Variants in DIS3L2 observed in about 807,000 individuals in gnomAD.
DIS3L2 encodes the protein DIS3-like exonuclease 2.
DIS3L2 carries 34 observed loss-of-function variants against 97.5 expected under a neutral mutation model. The ratio of observed to expected loss-of-function variants is 0.35; its 90% CI spans 0.27 to 0.46. The LOEUF (loss-of-function observed/expected upper bound fraction) is 0.46. DIS3L2 is among the 20% of genes least tolerant of loss of function. The pLI, the probability that DIS3L2 is intolerant of heterozygous loss-of-function variation, is 1.00. For missense variants in DIS3L2, 1,038 were observed against 1,146.0 expected, an observed-to-expected ratio of 0.91 and a Z score of 1.36; for synonymous variants, 435 against 445.2, an observed-to-expected ratio of 0.98 and a Z score of 0.29.
intron 7 of DIS3L2, chr2:232,131,098 T>G (rs1698204686): frequency 5.5e-6 from 1 of 180,602 alleles, no homozygotes; most frequent in African/African-American, 2.3e-5. Context: ...TTTGCTCCAA[T>G]TTTTTTGTTG....
intron 10 of DIS3L2, among the ~76,000 whole-genome samples, chr2:232,231,139 T>C (rs1692781277): frequency 6.6e-6 from 1 of 152,244 alleles, no homozygotes; most frequent in African/African-American, 2.4e-5. Context: ...TCATTGCCTT[T>C]CTCTCCCCAC....
chr2:232,107,680 G>T (rs2106329191), intron 6 of DIS3L2, among the ~76,000 whole-genome samples: 1 of 152,238 alleles, frequency 6.6e-6, no homozygotes, highest in African/African-American at 2.4e-5. Flanking sequence ...GCCTGGGCAG[G>T]CGACAGAGCG....
intron 5 of DIS3L2, among the ~76,000 whole-genome samples, chr2:232,057,694 A>G (rs1441360481): frequency 2.0e-5 from 3 of 152,164 alleles, no homozygotes; most frequent in Admixed American, 2.0e-4. Context: ...CCTTGAGATC[A>G]CCACTAGAGA....
intron 12 of DIS3L2, among the ~76,000 whole-genome samples, chr2:232,251,105 C>T (rs548688467): frequency 1.6e-4 from 25 of 152,290 alleles, no homozygotes; most frequent in African/African-American, 5.3e-4. Context: ...TGATGAAACC[C>T]TGTCCAGAGT....
chr2:232,186,711 C>CT (rs1402878176), intron 9 of DIS3L2, among the ~76,000 whole-genome samples: 2 of 152,074 alleles, frequency 1.3e-5, no homozygotes, highest in African/African-American at 2.4e-5. Context: ...ACAGAAGTGT[C>CT]TAAAAAAAAG....
chr2:232,206,078 G>GTGCAGGGCAT (rs1273314741), intron 9 of DIS3L2, among the ~76,000 whole-genome samples: 44 of 152,340 alleles, frequency 2.9e-4, no homozygotes, highest in African/African-American at 8.4e-4. Flanking sequence ...TGGGAGGCCT[G>GTGCAGGGCAT]TGCAGGGCAT....
At chr2:231,972,625 C>T (rs1692955094) in intron 1 of DIS3L2, among the ~76,000 whole-genome samples, 1 of 152,188 alleles carries the variant, frequency 6.6e-6, no homozygotes, top group African/African-American at 2.4e-5. Context: ...CTCACTGCAA[C>T]CTTTGCCTCC....
chr2:232,100,441 C>T (rs1697163759), intron 6 of DIS3L2, among the ~76,000 whole-genome samples: 1 of 151,804 alleles, frequency 6.6e-6, no homozygotes. Flanking sequence ...TGCCCTTTCC[C>T]CAAATTCTTG....
At chr2:232,180,507 C>CAT (rs1229223857) in intron 9 of DIS3L2, among the ~76,000 whole-genome samples, 7 of 29,674 alleles carry the variant, frequency 2.4e-4, no homozygotes, top group Non-Finnish European at 4.5e-4. Flanking sequence ...GTATTGGGTG[C>CAT]ATATATATTT....
intron 14 of DIS3L2, 28 bp from the exon 15 acceptor site, chr2:232,329,785 T>TCCCGGGGGGGGGGCCCCCCC: frequency 3.1e-6 from 3 of 967,140 alleles, no homozygotes; most frequent in Non-Finnish European, 2.9e-6. Context: ...ACCCCAGCGG[T>TCCCGGGGGGGGGGCCCCCCC]CCCTCCCATC....
At position 232,098,903 on chromosome 2, in the gene DIS3L2, A is replaced by T. The variant is rs193182874; in HGVS notation, c.601+11182A>T. Among the ~76,000 whole-genome samples the T allele has an allele frequency of 2.8e-3, 425 of 152,258 alleles. 1 individual carries two copies. The highest frequency in any genetic ancestry group is 4.6e-3 in the Non-Finnish European group (315 of 68,014). On this transcript the variant is annotated intron_variant, in intron 6 of 20. Transcript: ENST00000325385. ...TAATTTTAATGCAGTAAAAGTTGTC[A>T]TACACTTTATGGGTTTTTAAGTTTT...
chr2:232,330,902 G>A, intron 16 of DIS3L2, 126 bp downstream of exon 16: 1 of 984,306 alleles, frequency 1.0e-6, no homozygotes, highest in East Asian at 2.4e-5. Context: ...GGGTGGACGG[G>A]GGCTGCTCCT....
chr2:232,086,630 C>CACATATATATGTGTATATATATATAT (rs1198484370), intron 5 of DIS3L2, among the ~76,000 whole-genome samples: 1 of 70,694 alleles, frequency 1.4e-5, no homozygotes. Flanking sequence ...TATATATATA[C>CACATATATATGTGTATATATATATAT]ACATATATAT....
At chr2:232,259,328 T>C (rs1376874821) in intron 12 of DIS3L2, among the ~76,000 whole-genome samples, 1 of 149,048 alleles carries the variant, frequency 6.7e-6, no homozygotes, top group Non-Finnish European at 1.5e-5. Flanking sequence ...TCAAATGAAC[T>C]GGTAGCCAAT....
intron 1 of DIS3L2, among the ~76,000 whole-genome samples, chr2:231,962,298 G>C (rs1384276880): frequency 6.6e-6 from 1 of 151,114 alleles, no homozygotes; most frequent in Non-Finnish European, 1.5e-5. Flanking sequence ...TAAACTTTTA[G>C]ATATGGGGGA....
At chr2:232,053,552 C>T (rs1695465160) in intron 5 of DIS3L2, among the ~76,000 whole-genome samples, 1 of 152,228 alleles carries the variant, frequency 6.6e-6, no homozygotes, top group Non-Finnish European at 1.5e-5. Flanking sequence ...GTGCCAGTCA[C>T]AGTCCGGGCT....
At chr2:232,182,887 T>C (rs1691331658) in intron 9 of DIS3L2, among the ~76,000 whole-genome samples, 1 of 152,234 alleles carries the variant, frequency 6.6e-6, no homozygotes, top group Non-Finnish European at 1.5e-5. Context: ...TTTGCTGTTA[T>C]TGCTGTTTGT....
chr2:232,261,347 C>T (rs927314723), intron 12 of DIS3L2, among the ~76,000 whole-genome samples: 1 of 152,298 alleles, frequency 6.6e-6, no homozygotes, highest in South Asian at 2.1e-4. Context: ...CTACAACTGC[C>T]ACACAGCCCT....
At chr2:232,290,389 C>T (rs1440092984) in intron 13 of DIS3L2, among the ~76,000 whole-genome samples, 2 of 152,164 alleles carry the variant, frequency 1.3e-5, no homozygotes, top group Admixed American at 6.5e-5. Flanking sequence ...GGATCAGGGA[C>T]GAGCTCTTCC....
Sources: allele counts gnomAD v4.1 joint callset (sites outside exome capture counted in the v4.1 genomes callset), GRCh38; gene constraint gnomAD v4.1.1; transcripts MANE v1.5; gene names NCBI Gene and HGNC (gene_info 2026-07-23, HGNC 2026-07-21).